CDK5RAP2: variants seen among roughly 807,000 people sequenced by gnomAD.
The protein encoded by CDK5RAP2 is CDK5 regulatory subunit associated protein 2.
In CDK5RAP2, 147 loss-of-function variants were observed where a neutral mutation model predicts 232.9. The ratio of observed to expected loss-of-function variants is 0.63; its 90% CI spans 0.55 to 0.72. CDK5RAP2 has a LOEUF of 0.72. CDK5RAP2 is among the 30% of genes least tolerant of loss of function. The pLI is 0.00. For synonymous variants in CDK5RAP2, 833 were observed against 833.7 expected, an observed-to-expected ratio of 1.00 and a Z score of 0.01; for missense variants, 2,195 against 2,231.5, an observed-to-expected ratio of 0.98 and a Z score of 0.33.
intron 25 of CDK5RAP2, among the ~76,000 whole-genome samples, chr9:120,427,931 T>TA (rs2035022902): frequency 6.6e-6 from 1 of 152,042 alleles, no homozygotes; most frequent in South Asian, 2.1e-4. Context: ...GAAATCAAAC[T>TA]AGAACTCAGG....
chr9:120,563,433 C>T (rs2042531648), intron 3 of CDK5RAP2, among the ~76,000 whole-genome samples: 2 of 152,174 alleles, frequency 1.3e-5, no homozygotes, highest in African/African-American at 4.8e-5. Flanking sequence ...AGAAACTGAA[C>T]ACTGATGGGG....
intron 27 of CDK5RAP2, among the ~76,000 whole-genome samples, chr9:120,418,046 A>C (rs1476340766): frequency 1.3e-5 from 2 of 152,242 alleles, no homozygotes; most frequent in East Asian, 3.8e-4. Flanking sequence ...AAAGCTTAGG[A>C]CAGAACGTTA....
intron 23 of CDK5RAP2, among the ~76,000 whole-genome samples, chr9:120,440,797 T>C (rs780609672): frequency 3.3e-5 from 5 of 152,182 alleles, no homozygotes; most frequent in African/African-American, 4.8e-5. Context: ...GTGAGAAATA[T>C]TGAGAGATTC....
At chr9:120,571,140 A>G (rs2132201231) in intron 2 of CDK5RAP2, among the ~76,000 whole-genome samples, 1 of 152,376 alleles carries the variant, frequency 6.6e-6, no homozygotes, top group Middle Eastern at 3.4e-3. Context: ...CCTGGGTGAC[A>G]GGACAAGACC....
chr9:120,427,176 T>A (rs1397389230), intron 25 of CDK5RAP2, among the ~76,000 whole-genome samples: 1 of 152,118 alleles, frequency 6.6e-6, no homozygotes, highest in East Asian at 1.9e-4. Flanking sequence ...ATGAGAGAAA[T>A]CAGGGGTGTC....
chr9:120,475,094 T>G (rs2037929735), intron 15 of CDK5RAP2, among the ~76,000 whole-genome samples: 1 of 152,196 alleles, frequency 6.6e-6, no homozygotes, highest in African/African-American at 2.4e-5. Context: ...TCCTCTCTAG[T>G]TTCAACACAA....
chr9:120,471,717 C>T (rs1253213695), intron 16 of CDK5RAP2, 31 bp downstream of exon 16: 1 of 1,613,790 alleles, frequency 6.2e-7, no homozygotes, highest in East Asian at 2.2e-5. Context: ...GTGGAAAAAC[C>T]AAAGAGAAGC....
chr9:120,426,087 G>A (rs2034880990), intron 25 of CDK5RAP2, among the ~76,000 whole-genome samples: 1 of 152,222 alleles, frequency 6.6e-6, no homozygotes, highest in Non-Finnish European at 1.5e-5. Flanking sequence ...GGACTCTGGG[G>A]AGGGCAGTTC....
intron 7 of CDK5RAP2, among the ~76,000 whole-genome samples, chr9:120,531,534 CAG>C (rs1273659059): frequency 6.6e-6 from 1 of 152,152 alleles, no homozygotes; most frequent in Non-Finnish European, 1.5e-5. Context: ...GATTGTGGAC[CAG>C]AGACAAGCTA....
At chr9:120,538,460 C>G (rs762523117) in intron 6 of CDK5RAP2, among the ~76,000 whole-genome samples, 2 of 150,364 alleles carry the variant, frequency 1.3e-5, no homozygotes, top group African/African-American at 2.5e-5. Context: ...CAGGAAATAC[C>G]TAACTGAGAG....
intron 3 of CDK5RAP2, among the ~76,000 whole-genome samples, chr9:120,557,509 A>T (rs2042273633): frequency 2.0e-5 from 3 of 152,104 alleles, no homozygotes; most frequent in African/African-American, 7.2e-5. Context: ...TAATCCCAAC[A>T]CTTTGGTAGG....
chr9:120,531,822 G>A (rs796707619), intron 7 of CDK5RAP2, among the ~76,000 whole-genome samples: 6 of 151,918 alleles, frequency 3.9e-5, no homozygotes, highest in African/African-American at 1.4e-4. Flanking sequence ...AATGCACTAG[G>A]AGACAAGGTG....
chr9:120,404,166 G>A, intron 32 of CDK5RAP2, 53 bp from the exon 33 acceptor site: 1 of 1,139,838 alleles, frequency 8.8e-7, no homozygotes, highest in East Asian at 2.3e-5. Flanking sequence ...CAGCATTCAA[G>A]AGAGAACTGA....
Position 120,536,373 on chromosome 9 carries a change from T to G in CDK5RAP2, c.661A>C (p.Arg221=). 6.2e-7 allele frequency: 1 copy of G among 1,614,102 alleles called. No individual in the cohort carries two copies. The part of the protein sequence containing the change: ...AMALVLDEKD[R]LIEELKLSLK... ...GTATGACAGGGACAAGAGCCAGACC[T>G]GTCTTTCTCATCCAGGACCAGAGCC... The change falls in exon 7 of 38, where the codon AGA becomes CGA. Residue 221 remains arginine (R), a splice_region_variant and synonymous_variant. Coordinates refer to ENST00000349780, the MANE Select transcript of CDK5RAP2 (RefSeq NM_018249.6).
At chr9:120,527,665 G>A in intron 10 of CDK5RAP2, 141 bp downstream of exon 10, 1 of 873,540 alleles carries the variant, frequency 1.1e-6, no homozygotes, top group Non-Finnish European at 1.8e-6. Flanking sequence ...ATTTCCGGTT[G>A]ACTAGAGGAT....
At chr9:120,481,601 C>T (rs1346480113) in intron 14 of CDK5RAP2, among the ~76,000 whole-genome samples, 1 of 151,550 alleles carries the variant, frequency 6.6e-6, no homozygotes, top group African/African-American at 2.4e-5. Context: ...CAACCTCCAC[C>T]TCCCAGGTTC....
At chr9:120,465,078 C>T (rs994516007) in intron 18 of CDK5RAP2, among the ~76,000 whole-genome samples, 1 of 152,116 alleles carries the variant, frequency 6.6e-6, no homozygotes. Flanking sequence ...GGTTTCCTCT[C>T]TACGTCAAAA....
At chr9:120,465,340 C>A (rs1161685712) in intron 18 of CDK5RAP2, among the ~76,000 whole-genome samples, 1 of 152,102 alleles carries the variant, frequency 6.6e-6, no homozygotes, top group African/African-American at 2.4e-5. Flanking sequence ...GCATGAAAAA[C>A]CAGCAAATAA....
At chr9:120,417,086 C>A (rs140645390) in intron 27 of CDK5RAP2, among the ~76,000 whole-genome samples, 1 of 152,042 alleles carries the variant, frequency 6.6e-6, no homozygotes, top group Non-Finnish European at 1.5e-5. Flanking sequence ...TGCATCTCCA[C>A]GCTCCTTAAA....
Sources: allele counts gnomAD v4.1 joint callset (sites outside exome capture counted in the v4.1 genomes callset), GRCh38; gene constraint gnomAD v4.1.1; transcripts MANE v1.5; gene names NCBI Gene and HGNC (gene_info 2026-07-23, HGNC 2026-07-21).